The following TTC27 variants were observed in gnomAD, a reference collection of about 807,000 sequenced individuals.
TTC27 encodes tetratricopeptide repeat domain 27.
In TTC27, 79 loss-of-function variants were observed where a neutral mutation model predicts 115.9. That is an observed-to-expected ratio of 0.68 (90% CI 0.57 to 0.82). The LOEUF (loss-of-function observed/expected upper bound fraction) is 0.82, where lower values mean the gene tolerates loss of function less well. Ranked by LOEUF, TTC27 falls within the 40% of genes least tolerant of loss-of-function variation. The pLI is 0.00. For missense variants in TTC27, 1,054 were observed against 993.1 expected, an observed-to-expected ratio of 1.06 and a Z score of -0.82; for synonymous variants, 401 against 356.0, an observed-to-expected ratio of 1.13 and a Z score of -1.42.
At chr2:32,790,466 T>C (rs1489259174) in intron 16 of TTC27, among the ~76,000 whole-genome samples, 1 of 152,224 alleles carries the variant, frequency 6.6e-6, no homozygotes, top group Non-Finnish European at 1.5e-5. Context: ...ACTCTAATTG[T>C]ATACATCTAT....
intron 18 of TTC27, among the ~76,000 whole-genome samples, chr2:32,815,749 C>T (rs1671482096): frequency 6.6e-6 from 1 of 152,178 alleles, no homozygotes; most frequent in Non-Finnish European, 1.5e-5. Flanking sequence ...ATGGTGGTTA[C>T]AACTTTCCTC....
At position 32,639,122 on chromosome 2, in the gene TTC27, G is replaced by A. The variant is rs138579018; in HGVS notation, c.397-1148G>A. ...GCTGGGATTACAGATGTGAGCCACCGTGCCCGGCCCAGTTATTTCATTTCA... is the reference window on the plus strand; with the variant it reads ...GCTGGGATTACAGATGTGAGCCACCATGCCCGGCCCAGTTATTTCATTTCA... On this transcript the variant is annotated intron_variant, in intron 3 of 19. Transcript: ENST00000317907. 3.5e-3 allele frequency among the ~76,000 whole-genome samples: 540 copies of A among 152,276 alleles called. 1 individual carries two copies. Among genetic ancestry groups the A allele is most frequent in the East Asian group, 6.0e-3 (31 of 5,186 alleles).
chr2:32,727,350 C>T (rs964893170), intron 10 of TTC27, among the ~76,000 whole-genome samples: 3 of 152,126 alleles, frequency 2.0e-5, no homozygotes, highest in East Asian at 1.9e-4. Context: ...TATTCAAAGT[C>T]GAGACTGACC....
intron 13 of TTC27, 123 bp downstream of exon 13, chr2:32,758,642 A>G: frequency 1.1e-6 from 1 of 888,006 alleles, no homozygotes; most frequent in Non-Finnish European, 1.7e-6. Flanking sequence ...ACAGCTAAGA[A>G]CTTAGTCTCT....
At chr2:32,768,010 A>T (rs1056591509) in intron 13 of TTC27, among the ~76,000 whole-genome samples, 3 of 152,214 alleles carry the variant, frequency 2.0e-5, no homozygotes, top group Admixed American at 2.0e-4. Flanking sequence ...AAATACTAAG[A>T]TCATATTGAA....
chr2:32,793,076 G>A (rs552482500), intron 16 of TTC27, among the ~76,000 whole-genome samples: 1 of 152,270 alleles, frequency 6.6e-6, no homozygotes, highest in East Asian at 1.9e-4. Flanking sequence ...GGGATTTAAA[G>A]GCCATTATAT....
intron 7 of TTC27, among the ~76,000 whole-genome samples, chr2:32,669,430 G>A (rs1226781341): frequency 2.0e-5 from 3 of 152,248 alleles, no homozygotes; most frequent in Non-Finnish European, 4.4e-5. Flanking sequence ...ATTCTAATGG[G>A]TGGAAGAGAA....
chr2:32,725,056 G>C (rs1300127295), intron 10 of TTC27, among the ~76,000 whole-genome samples: 1 of 152,146 alleles, frequency 6.6e-6, no homozygotes, highest in East Asian at 1.9e-4. Context: ...CACGAGAACA[G>C]CACGGGAAAG....
chr2:32,655,647 T>G (rs1391345265), intron 5 of TTC27, among the ~76,000 whole-genome samples: 1 of 152,180 alleles, frequency 6.6e-6, no homozygotes, highest in African/African-American at 2.4e-5. Flanking sequence ...TCTAAAAAAT[T>G]ATCCCCTTTT....
intron 10 of TTC27, among the ~76,000 whole-genome samples, chr2:32,708,074 C>A (rs753646520): frequency 2.6e-5 from 4 of 151,876 alleles, no homozygotes; most frequent in African/African-American, 9.7e-5. Flanking sequence ...TACAGTTGAC[C>A]CTTGAACAAC....
intron 6 of TTC27, among the ~76,000 whole-genome samples, chr2:32,665,798 G>C (rs1182095995): frequency 6.6e-6 from 1 of 152,202 alleles, no homozygotes; most frequent in Non-Finnish European, 1.5e-5. Flanking sequence ...GGCTGAGGCA[G>C]GAGATTTGCT....
At chr2:32,718,008 G>T (rs1037363349) in intron 10 of TTC27, among the ~76,000 whole-genome samples, 2 of 152,010 alleles carry the variant, frequency 1.3e-5, no homozygotes, top group African/African-American at 4.8e-5. Context: ...TATGAGCATT[G>T]TATGAATTAA....
chr2:32,698,360 G>T (rs1194332601), intron 9 of TTC27, among the ~76,000 whole-genome samples: 4 of 151,596 alleles, frequency 2.6e-5, no homozygotes, highest in Admixed American at 6.6e-5. Context: ...TCAAACTCCT[G>T]GTCTCAAGTG....
Position 32,817,474 on chromosome 2 carries a change from A to G in TTC27, c.2326A>G (p.Lys776Glu). ...TCTTCCAGTGGCCATAAAATGCAGT[A>G]AAAACAAATCCAGTTCCCAAGAAGC... Reference protein sequence around the residue: ...GLAHVAIKCSKNKSSSQEAVQ... With the variant: ...GLAHVAIKCSENKSSSQEAVQ... Residue 776 changes from lysine (K) to glutamate (E), a missense_variant, in exon 19 of 20, where the codon AAA becomes GAA. Physicochemically the swap from Lys to Glu is moderately conservative, Grantham distance 56. Transcript: ENST00000317907. 1 of 1,614,020 alleles carries G rather than the reference A, an allele frequency of 6.2e-7. No individual in the cohort carries two copies. Among genetic ancestry groups the G allele is most frequent in the Non-Finnish European group, 8.5e-7 (1 of 1,179,928 alleles).
chr2:32,646,535 T>C (rs981103220), intron 4 of TTC27, among the ~76,000 whole-genome samples: 8 of 149,962 alleles, frequency 5.3e-5, no homozygotes, highest in African/African-American at 2.0e-4. Context: ...AGTAGAAAAA[T>C]AGGCTATGCT....
At chr2:32,673,122 C>T (rs1302246500) in intron 8 of TTC27, among the ~76,000 whole-genome samples, 1 of 151,290 alleles carries the variant, frequency 6.6e-6, no homozygotes, top group African/African-American at 2.4e-5. Context: ...GCTTGACTTG[C>T]ATGATCTTGA....
At chr2:32,651,809 T>TA (rs1249811695) in intron 5 of TTC27, among the ~76,000 whole-genome samples, 1 of 152,202 alleles carries the variant, frequency 6.6e-6, no homozygotes, top group Non-Finnish European at 1.5e-5. Context: ...TAATCTTAGA[T>TA]AAAATGACCA....
intron 16 of TTC27, among the ~76,000 whole-genome samples, chr2:32,787,580 A>G (rs541256823): frequency 6.2e-4 from 94 of 152,320 alleles, no homozygotes; most frequent in African/African-American, 2.2e-3. Flanking sequence ...AGGATGGCTA[A>G]CATTTTCTTT....
intron 9 of TTC27, among the ~76,000 whole-genome samples, chr2:32,687,661 T>C (rs1304388329): frequency 1.3e-5 from 2 of 152,208 alleles, no homozygotes; most frequent in South Asian, 2.1e-4. Context: ...TTTGCTAAAT[T>C]ATTATAAAGT....
Sources: gnomAD v4.1 joint callset for allele counts (sites outside exome capture counted in the v4.1 genomes callset) on GRCh38, gnomAD v4.1.1 for gene constraint, MANE v1.5 for transcripts, NCBI Gene and HGNC (gene_info 2026-07-23, HGNC 2026-07-21) for gene names.